PDE4D: variants seen among roughly 807,000 people sequenced by gnomAD.
PDE4D encodes the protein 3',5'-cyclic-AMP phosphodiesterase 4D.
A neutral mutation model predicts 87.4 loss-of-function variants in PDE4D; 24 were observed. That is an observed-to-expected ratio of 0.27 (90% CI 0.20 to 0.39). The LOEUF (loss-of-function observed/expected upper bound fraction) is 0.39, where lower values mean the gene tolerates loss of function less well. Ranked by LOEUF, PDE4D falls within the 10% of genes least tolerant of loss-of-function variation. The pLI, the probability that PDE4D is intolerant of heterozygous loss-of-function variation, is 1.00. For synonymous variants in PDE4D, 384 were observed against 383.2 expected (o/e 1.00, Z -0.02); for missense variants, 714 against 1,041.0 (o/e 0.69, Z 4.32).
chr5:59,981,634 A>G (rs1442748445), intron 3 of PDE4D, among the ~76,000 whole-genome samples: 1 of 152,214 alleles, frequency 6.6e-6, no homozygotes, highest in African/African-American at 2.4e-5. Flanking sequence ...TCTTCCATAT[A>G]ACATTCAATA....
At chr5:60,000,913 A>G (rs1442377345) in intron 2 of PDE4D, among the ~76,000 whole-genome samples, 1 of 152,058 alleles carries the variant, frequency 6.6e-6, no homozygotes, top group Admixed American at 6.6e-5. Context: ...ATTCCCATCC[A>G]TGTTCTCGGA....
intron 2 of PDE4D, among the ~76,000 whole-genome samples, chr5:60,116,563 C>T (rs1262570921): frequency 6.6e-6 from 1 of 151,826 alleles, no homozygotes; most frequent in East Asian, 1.9e-4. Context: ...TTTATAAATA[C>T]CTCATAATGC....
At chr5:59,635,970 G>A (rs1580046884) in intron 1 of PDE4D, among the ~76,000 whole-genome samples, 1 of 152,172 alleles carries the variant, frequency 6.6e-6, no homozygotes, top group Admixed American at 6.6e-5. Context: ...TGACATGACT[G>A]TATATTTAGA....
At chr5:59,044,143 A>G (rs1173428380) in intron 5 of PDE4D, among the ~76,000 whole-genome samples, 2 of 152,194 alleles carry the variant, frequency 1.3e-5, no homozygotes, top group African/African-American at 2.4e-5. Context: ...TGTCTTCCAC[A>G]ATGGTTGAAC....
chr5:59,869,728 A>G (rs1051042186), intron 1 of PDE4D, among the ~76,000 whole-genome samples: 1 of 152,158 alleles, frequency 6.6e-6, no homozygotes, highest in African/African-American at 2.4e-5. Flanking sequence ...AGCAAAGTGG[A>G]ATATAACATT....
At chr5:60,138,224 G>T (rs1267658459) in intron 2 of PDE4D, among the ~76,000 whole-genome samples, 1 of 152,032 alleles carries the variant, frequency 6.6e-6, no homozygotes, top group Non-Finnish European at 1.5e-5. Flanking sequence ...GTAGCATGAT[G>T]CCTCTAGCTT....
At chr5:59,876,152 T>C (rs1435985946) in intron 1 of PDE4D, among the ~76,000 whole-genome samples, 3 of 152,194 alleles carry the variant, frequency 2.0e-5, no homozygotes, top group Admixed American at 1.3e-4. Context: ...CTATAACTTT[T>C]CTAAGTTCCA....
intron 1 of PDE4D, among the ~76,000 whole-genome samples, chr5:59,522,758 A>G (rs181416451): frequency 3.3e-5 from 5 of 152,302 alleles, no homozygotes; most frequent in African/African-American, 1.2e-4. Context: ...TTACACATGG[A>G]GAGCTTCCTC....
At chr5:60,238,121 C>T (rs1367570055) in intron 1 of PDE4D, among the ~76,000 whole-genome samples, 1 of 151,884 alleles carries the variant, frequency 6.6e-6, no homozygotes, top group Non-Finnish European at 1.5e-5. Flanking sequence ...CTAGAAATGG[C>T]ATCAAATAAT....
intron 1 of PDE4D, among the ~76,000 whole-genome samples, chr5:60,212,710 C>T (rs1743391986): frequency 6.6e-6 from 1 of 152,186 alleles, no homozygotes; most frequent in Non-Finnish European, 1.5e-5. Context: ...GTCCCCACTG[C>T]ACTTAAAGTT....
chr5:60,271,292 T>A (rs1417836681), intron 1 of PDE4D, among the ~76,000 whole-genome samples: 1 of 152,206 alleles, frequency 6.6e-6, no homozygotes, highest in Non-Finnish European at 1.5e-5. Flanking sequence ...TTGATACTAA[T>A]GTTTTGCCAT....
intron 1 of PDE4D, among the ~76,000 whole-genome samples, chr5:59,487,181 C>T (rs952446436): frequency 6.6e-6 from 1 of 152,000 alleles, no homozygotes; most frequent in Non-Finnish European, 1.5e-5. Context: ...AAACAGAAGG[C>T]AAAGGAGCGT....
At chr5:59,249,444 T>C (rs1759494254) in intron 1 of PDE4D, among the ~76,000 whole-genome samples, 1 of 152,186 alleles carries the variant, frequency 6.6e-6, no homozygotes, top group Non-Finnish European at 1.5e-5. Context: ...TTCTTTGACA[T>C]AGTTATTTTA....
At chr5:59,525,244 T>C (rs1490224478) in intron 1 of PDE4D, among the ~76,000 whole-genome samples, 3 of 152,208 alleles carry the variant, frequency 2.0e-5, no homozygotes, top group South Asian at 2.1e-4. Context: ...GCTGCCAAAG[T>C]GGTGGGGACC....
At chr5:59,646,646 G>A (rs929172840) in intron 1 of PDE4D, among the ~76,000 whole-genome samples, 4 of 152,214 alleles carry the variant, frequency 2.6e-5, no homozygotes, top group South Asian at 2.1e-4. Flanking sequence ...TGTGGCAAAC[G>A]TTTTGAACGC....
intron 1 of PDE4D, among the ~76,000 whole-genome samples, chr5:59,614,727 A>C (rs996289426): frequency 6.6e-6 from 1 of 152,244 alleles, no homozygotes; most frequent in Non-Finnish European, 1.5e-5. Context: ...AAAGTTTTAA[A>C]GCACTAGTTA....
At chr5:59,655,503 T>A (rs898003005) in intron 1 of PDE4D, among the ~76,000 whole-genome samples, 1 of 152,216 alleles carries the variant, frequency 6.6e-6, no homozygotes, top group Non-Finnish European at 1.5e-5. Context: ...TACATCCTTG[T>A]AATTGTTTAC....
chr5:60,074,438 A>T (rs766041696), intron 2 of PDE4D, among the ~76,000 whole-genome samples: 1 of 151,862 alleles, frequency 6.6e-6, no homozygotes, highest in Non-Finnish European at 1.5e-5. Context: ...TATGTGATCA[A>T]CTCTAGAGTG....
chr5:60,381,271 T>G (rs1015065926), intron 1 of PDE4D, among the ~76,000 whole-genome samples: 6 of 152,172 alleles, frequency 3.9e-5, no homozygotes, highest in Non-Finnish European at 7.3e-5. Flanking sequence ...AAAGCTCAAG[T>G]GTTTCCCTGG....
Sources: gnomAD v4.1 joint callset for allele counts (sites outside exome capture counted in the v4.1 genomes callset) on GRCh38, gnomAD v4.1.1 for gene constraint, MANE v1.5 for transcripts, NCBI Gene and HGNC (gene_info 2026-07-23, HGNC 2026-07-21) for gene names.